Variants in PPP1R12B observed in about 807,000 individuals in gnomAD.
The protein encoded by PPP1R12B is protein phosphatase 1 regulatory subunit 12B.
A neutral mutation model predicts 126.1 loss-of-function variants in PPP1R12B; 76 were observed. The observed-to-expected ratio is 0.60, with a 90% confidence interval of 0.50 to 0.73. PPP1R12B has a LOEUF of 0.73. PPP1R12B is among the 30% of genes least tolerant of loss of function. The pLI, the probability that PPP1R12B is intolerant of heterozygous loss-of-function variation, is 0.00. For synonymous variants in PPP1R12B, 356 were observed against 434.7 expected (o/e 0.82, Z 2.25); for missense variants, 1,052 against 1,205.1 (o/e 0.87, Z 1.88).
chr1:202,554,839 G>A (rs963198778), intron 18 of PPP1R12B, among the ~76,000 whole-genome samples: 1 of 151,782 alleles, frequency 6.6e-6, no homozygotes, highest in African/African-American at 2.4e-5. Context: ...TAAGAGCGTA[G>A]GTCATCAACT....
intron 1 of PPP1R12B, among the ~76,000 whole-genome samples, chr1:202,385,096 T>C (rs966610569): frequency 1.3e-5 from 2 of 152,178 alleles, no homozygotes; most frequent in Non-Finnish European, 2.9e-5. Context: ...CTGCAAAATA[T>C]CAAGGCCCAA....
intron 1 of PPP1R12B, among the ~76,000 whole-genome samples, chr1:202,389,258 A>T (rs1663677777): frequency 6.6e-6 from 1 of 152,216 alleles, no homozygotes; most frequent in Non-Finnish European, 1.5e-5. Context: ...AAACATCCTA[A>T]AAAAAGTTGA....
chr1:202,357,273 G>T (rs1657287888), intron 1 of PPP1R12B, among the ~76,000 whole-genome samples: 1 of 152,312 alleles, frequency 6.6e-6, no homozygotes, highest in South Asian at 2.1e-4. Context: ...TGATATTGAG[G>T]TATTTCAAGG....
chr1:202,434,565 G>C, intron 8 of PPP1R12B, 91 bp from the exon 9 acceptor site: 1 of 1,481,706 alleles, frequency 6.7e-7, no homozygotes, highest in East Asian at 2.4e-5. Flanking sequence ...TTTGATAATG[G>C]GCAAATCTTT....
chr1:202,464,964 A>G (rs1023367976), intron 13 of PPP1R12B, among the ~76,000 whole-genome samples: 2 of 152,202 alleles, frequency 1.3e-5, no homozygotes, highest in African/African-American at 4.8e-5. Context: ...AGGATGGAGT[A>G]GTCAGAAGGG....
intron 14 of PPP1R12B, among the ~76,000 whole-genome samples, chr1:202,492,742 T>C (rs527256471): frequency 1.0e-3 from 159 of 152,302 alleles, no homozygotes; most frequent in African/African-American, 3.8e-3. Flanking sequence ...ATCTGCTGTT[T>C]AGGAAATCTC....
chr1:202,505,671 T>A (rs705743), intron 18 of PPP1R12B, among the ~76,000 whole-genome samples: 81,232 of 151,990 alleles, frequency 0.53, 22,150 homozygotes, highest in East Asian at 0.71. Context: ...CAACAGTTTG[T>A]CTAAGTTTAA....
intron 1 of PPP1R12B, among the ~76,000 whole-genome samples, chr1:202,349,652 A>G (rs963360784): frequency 2.0e-5 from 3 of 152,142 alleles, no homozygotes; most frequent in African/African-American, 7.2e-5. Context: ...TAGTACTTCA[A>G]AACAGTTTGT....
At chr1:202,380,312 A>G (rs1662030053) in intron 1 of PPP1R12B, among the ~76,000 whole-genome samples, 1 of 152,060 alleles carries the variant, frequency 6.6e-6, no homozygotes, top group Non-Finnish European at 1.5e-5. Context: ...ATCTTACACA[A>G]ACAACAAGTT....
intron 18 of PPP1R12B, among the ~76,000 whole-genome samples, chr1:202,531,592 T>G (rs1354858002): frequency 1.3e-5 from 2 of 152,194 alleles, no homozygotes; most frequent in African/African-American, 4.8e-5. Context: ...GATCTTATAT[T>G]CATAAATGGA....
chr1:202,367,261 G>A (rs941090398), intron 1 of PPP1R12B, among the ~76,000 whole-genome samples: 1 of 152,176 alleles, frequency 6.6e-6, no homozygotes, highest in Non-Finnish European at 1.5e-5. Context: ...GTAAAGCAAA[G>A]TGGTTAAGAT....
intron 1 of PPP1R12B, among the ~76,000 whole-genome samples, chr1:202,415,896 A>T (rs1558196156): frequency 6.6e-6 from 1 of 152,176 alleles, no homozygotes. Flanking sequence ...GTAAACTACA[A>T]CTTCCCACTG....
At chr1:202,352,723 C>A (rs983978414) in intron 1 of PPP1R12B, among the ~76,000 whole-genome samples, 1 of 152,002 alleles carries the variant, frequency 6.6e-6, no homozygotes, top group Non-Finnish European at 1.5e-5. Flanking sequence ...CCCGTCTCTA[C>A]TAAAAATACA....
At chr1:202,414,343 C>T (rs955220537) in intron 1 of PPP1R12B, among the ~76,000 whole-genome samples, 6 of 152,256 alleles carry the variant, frequency 3.9e-5, no homozygotes, top group Non-Finnish European at 8.8e-5. Flanking sequence ...TACATTAAAA[C>T]GCATTAGTCT....
chr1:202,470,166 T>A (rs1042195012), intron 13 of PPP1R12B, among the ~76,000 whole-genome samples: 13 of 152,210 alleles, frequency 8.5e-5, no homozygotes, highest in Non-Finnish European at 1.8e-4. Flanking sequence ...CACGGTTCTT[T>A]TCCTGATTGC....
At chr1:202,469,472 A>C (rs1450222842) in intron 13 of PPP1R12B, among the ~76,000 whole-genome samples, 1 of 152,188 alleles carries the variant, frequency 6.6e-6, no homozygotes, top group Non-Finnish European at 1.5e-5. Flanking sequence ...AAATAAATAA[A>C]AAATAGAAGT....
chr1:202,497,624 A>G (rs1679722046), intron 18 of PPP1R12B, among the ~76,000 whole-genome samples: 1 of 152,214 alleles, frequency 6.6e-6, no homozygotes, highest in African/African-American at 2.4e-5. Flanking sequence ...TGATCTGCCT[A>G]TATTTTTGTC....
At chr1:202,396,452 T>G (rs978222425) in intron 1 of PPP1R12B, among the ~76,000 whole-genome samples, 17 of 152,196 alleles carry the variant, frequency 1.1e-4, no homozygotes, top group African/African-American at 4.1e-4. Flanking sequence ...GAATATTAAT[T>G]CATTAATATT....
intron 13 of PPP1R12B, among the ~76,000 whole-genome samples, chr1:202,476,370 C>A (rs1420057271): frequency 2.0e-5 from 3 of 150,818 alleles, no homozygotes; most frequent in African/African-American, 7.3e-5. Flanking sequence ...ATATTATAAG[C>A]TATATAATAT....
Sources: allele counts gnomAD v4.1 joint callset (sites outside exome capture counted in the v4.1 genomes callset), GRCh38; gene constraint gnomAD v4.1.1; transcripts MANE v1.5; gene names NCBI Gene and HGNC (gene_info 2026-07-23, HGNC 2026-07-21).